DSCAM: variants seen among roughly 807,000 people sequenced by gnomAD.
The protein encoded by DSCAM is DS cell adhesion molecule.
Under a neutral mutation model 217.7 loss-of-function variants are expected in DSCAM, and 47 were observed. That is an observed-to-expected ratio of 0.22 (90% CI 0.17 to 0.28). The LOEUF is 0.28. Ranked by LOEUF, DSCAM falls within the 10% of genes least tolerant of loss-of-function variation. The probability of loss-of-function intolerance (pLI) is 1.00; values close to 1 mark genes in which losing one functional copy is unlikely to be tolerated. For missense variants in DSCAM, 2,080 were observed against 2,618.3 expected, an observed-to-expected ratio of 0.79 and a Z score of 4.49; for synonymous variants, 1,056 against 1,015.3, an observed-to-expected ratio of 1.04 and a Z score of -0.76.
At chr21:40,238,247 G>T (rs975137786) in intron 11 of DSCAM, among the ~76,000 whole-genome samples, 16 of 152,296 alleles carry the variant, frequency 1.1e-4, no homozygotes, top group South Asian at 6.2e-4. Flanking sequence ...ATGGGAATCT[G>T]CATTCTTAGT....
intron 30 of DSCAM, among the ~76,000 whole-genome samples, chr21:40,050,493 T>A (rs1306955628): frequency 6.6e-6 from 1 of 151,852 alleles, no homozygotes; most frequent in Non-Finnish European, 1.5e-5. Flanking sequence ...GAATCTTTTT[T>A]TTTTTTGGAG....
chr21:40,022,511 C>T (rs538867965), intron 32 of DSCAM, among the ~76,000 whole-genome samples: 19 of 152,288 alleles, frequency 1.2e-4, no homozygotes, highest in African/African-American at 4.6e-4. Flanking sequence ...GAATACTAGT[C>T]CACAAGGAGT....
chr21:40,040,614 C>T (rs943559778), intron 32 of DSCAM, among the ~76,000 whole-genome samples: 5 of 152,208 alleles, frequency 3.3e-5, no homozygotes, highest in Non-Finnish European at 5.9e-5. Context: ...GTCAGCAGTA[C>T]AGCTGGAGTC....
intron 1 of DSCAM, among the ~76,000 whole-genome samples, chr21:40,736,393 T>TG (rs1260765214): frequency 2.0e-5 from 3 of 151,984 alleles, no homozygotes; most frequent in Admixed American, 6.5e-5. Context: ...GGTAAGCTCA[T>TG]GGGGGCCGTG....
At chr21:40,360,962 C>T (rs1423766919) in intron 4 of DSCAM, among the ~76,000 whole-genome samples, 3 of 152,080 alleles carry the variant, frequency 2.0e-5, no homozygotes, top group African/African-American at 7.2e-5. Context: ...TTTCTCTGCA[C>T]CCTCACAGCA....
chr21:40,221,235 C>T (rs2091286642), intron 11 of DSCAM, among the ~76,000 whole-genome samples: 1 of 152,016 alleles, frequency 6.6e-6, no homozygotes, highest in Non-Finnish European at 1.5e-5. Flanking sequence ...ACTACACTAC[C>T]TGTCCCACCC....
chr21:40,521,249 G>A (rs1046735205), intron 3 of DSCAM, among the ~76,000 whole-genome samples: 3 of 152,124 alleles, frequency 2.0e-5, no homozygotes, highest in African/African-American at 7.2e-5. Context: ...AAATACACAG[G>A]ACATTTCCTT....
intron 32 of DSCAM, among the ~76,000 whole-genome samples, chr21:40,018,089 G>A (rs567356609): frequency 5.9e-5 from 9 of 152,192 alleles, no homozygotes; most frequent in South Asian, 2.1e-4. Context: ...ACTAATGTTC[G>A]TTTATGGTAG....
At chr21:40,649,100 C>T (rs1420355134) in intron 3 of DSCAM, among the ~76,000 whole-genome samples, 1 of 127,114 alleles carries the variant, frequency 7.9e-6, no homozygotes, top group East Asian at 3.1e-4. Flanking sequence ...ACTTTATTGA[C>T]CTCCCATTAA....
chr21:40,068,164 A>G (rs1485315550), intron 27 of DSCAM, among the ~76,000 whole-genome samples: 1 of 152,182 alleles, frequency 6.6e-6, no homozygotes, highest in Non-Finnish European at 1.5e-5. Flanking sequence ...TTCAAAAGAC[A>G]ACATTTGCTA....
intron 9 of DSCAM, among the ~76,000 whole-genome samples, chr21:40,302,316 G>A (rs749349014): frequency 5.3e-5 from 8 of 152,070 alleles, no homozygotes; most frequent in East Asian, 1.9e-4. Context: ...TGCTGTTCTC[G>A]TGATAGTGAA....
At chr21:40,464,055 A>G (rs1224718388) in intron 3 of DSCAM, among the ~76,000 whole-genome samples, 1 of 151,962 alleles carries the variant, frequency 6.6e-6, no homozygotes, top group Non-Finnish European at 1.5e-5. Context: ...CCATCTGCAC[A>G]CTCTTTCCTG....
At chr21:40,405,523 G>C (rs1351599976) in intron 3 of DSCAM, among the ~76,000 whole-genome samples, 2 of 152,148 alleles carry the variant, frequency 1.3e-5, no homozygotes, top group African/African-American at 4.8e-5. Flanking sequence ...AAACTAAAAA[G>C]CTTCTGCACA....
At chr21:40,068,428 CCTCT>C (rs921434145) in intron 27 of DSCAM, among the ~76,000 whole-genome samples, 1 of 152,090 alleles carries the variant, frequency 6.6e-6, no homozygotes, top group South Asian at 2.1e-4. Context: ...TGTATATGTG[CCTCT>C]CTCTGTATAT....
chr21:40,704,805 A>G (rs763842328), intron 2 of DSCAM, among the ~76,000 whole-genome samples: 1 of 152,254 alleles, frequency 6.6e-6, no homozygotes, highest in Non-Finnish European at 1.5e-5. Context: ...GTCATCTATG[A>G]TGACTGCAAC....
intron 32 of DSCAM, among the ~76,000 whole-genome samples, chr21:40,018,585 A>G (rs1170638354): frequency 6.6e-6 from 1 of 152,142 alleles, no homozygotes; most frequent in Non-Finnish European, 1.5e-5. Flanking sequence ...GGCTTATTAA[A>G]CCTCCACAAA....
At chr21:40,545,827 T>G (rs2076578096) in intron 3 of DSCAM, among the ~76,000 whole-genome samples, 1 of 152,162 alleles carries the variant, frequency 6.6e-6, no homozygotes, top group Non-Finnish European at 1.5e-5. Flanking sequence ...AGCCCCCTTG[T>G]GTGTAGCCCA....
chr21:40,569,376 C>T (rs1488224582), intron 3 of DSCAM, among the ~76,000 whole-genome samples: 1 of 152,212 alleles, frequency 6.6e-6, no homozygotes, highest in South Asian at 2.1e-4. Context: ...CAGCTGTAAT[C>T]AATTTACTTT....
At chr21:40,462,995 T>C (rs1032488734) in intron 3 of DSCAM, among the ~76,000 whole-genome samples, 1 of 152,226 alleles carries the variant, frequency 6.6e-6, no homozygotes, top group African/African-American at 2.4e-5. Flanking sequence ...ATTTATTGTA[T>C]CACTGCAATT....
Sources: gnomAD v4.1 joint callset for allele counts (sites outside exome capture counted in the v4.1 genomes callset) on GRCh38, gnomAD v4.1.1 for gene constraint, MANE v1.5 for transcripts, NCBI Gene and HGNC (gene_info 2026-07-23, HGNC 2026-07-21) for gene names.